SMIM14: variants seen among roughly 807,000 people sequenced by gnomAD.
SMIM14 encodes chromosome 4 open reading frame 34.
Under a neutral mutation model 12.6 loss-of-function variants are expected in SMIM14, and 5 were observed. The observed-to-expected ratio is 0.40, with a 90% CI of 0.21 to 0.83. SMIM14 has a LOEUF of 0.83. Ranked by LOEUF, SMIM14 falls within the 40% of genes least tolerant of loss-of-function variation. SMIM14 has a pLI of 0.37. For missense variants in SMIM14, 86 were observed against 119.1 expected (o/e 0.72, Z 1.29); for synonymous variants, 30 against 40.1 (o/e 0.75, Z 0.95).
chr4:39,608,809 T>C (rs1031648392), intron 1 of SMIM14, among the ~76,000 whole-genome samples: 2 of 152,214 alleles, frequency 1.3e-5, no homozygotes, highest in African/African-American at 4.8e-5. Context: ...TTTTACCCCA[T>C]TAAAAACAAT....
intron 1 of SMIM14, among the ~76,000 whole-genome samples, chr4:39,619,663 T>G (rs1715380630): frequency 8.7e-6 from 1 of 115,276 alleles, no homozygotes; most frequent in African/African-American, 3.5e-5. Flanking sequence ...ATTCTATATA[T>G]CAATAAATAT....
At chr4:39,619,630 C>A (rs1274758227) in intron 1 of SMIM14, among the ~76,000 whole-genome samples, 4 of 79,434 alleles carry the variant, frequency 5.0e-5, no homozygotes, top group African/African-American at 6.6e-5. Flanking sequence ...ATAATTTATT[C>A]TATATATCAA....
intron 2 of SMIM14, among the ~76,000 whole-genome samples, chr4:39,581,638 A>G (rs1303971378): frequency 7.7e-6 from 1 of 130,326 alleles, no homozygotes; most frequent in East Asian, 2.4e-4. Flanking sequence ...CACCAAGCTC[A>G]AGTGACGATC....
chr4:39,590,667 T>C (rs533169175), intron 2 of SMIM14, among the ~76,000 whole-genome samples: 3 of 152,104 alleles, frequency 2.0e-5, no homozygotes, highest in Non-Finnish European at 4.4e-5. Flanking sequence ...CCGGGCGTGG[T>C]GGCAGGCGCC....
chr4:39,635,216 C>G (rs1303676323), intron 1 of SMIM14, among the ~76,000 whole-genome samples: 1 of 151,992 alleles, frequency 6.6e-6, no homozygotes, highest in East Asian at 1.9e-4. Flanking sequence ...GTTCCAGGGA[C>G]AAAAATGCAA....
Position 39,547,460 on chromosome 4 carries a change from A to G in SMIM14, c.*4666T>C, listed in dbSNP as rs1747384768. 1.3e-5 allele frequency: 2 copies of G among 152,362 alleles called. No homozygotes were observed. Among genetic ancestry groups the G allele is most frequent in the South Asian group, 2.1e-4 (1 of 4,832 alleles). The allele number at this position is 152,362 out of a possible 1,614,324, so 9.4% of individuals were successfully genotyped here. ...ATAAAATCAGTAATTAACATTTAGC[A>G]TATCACACGACCACTTTTGCTTTTA... On this transcript the variant is annotated 3_prime_UTR_variant, in exon 5 of 5. Coordinates refer to ENST00000295958, the MANE Select transcript of SMIM14 (RefSeq NM_174921.3).
intron 3 of SMIM14, among the ~76,000 whole-genome samples, chr4:39,562,475 T>C (rs1248923976): frequency 1.3e-5 from 2 of 152,128 alleles, no homozygotes; most frequent in Non-Finnish European, 2.9e-5. Context: ...CACTGCCTAC[T>C]GTTTCAACTC....
intron 2 of SMIM14, among the ~76,000 whole-genome samples, chr4:39,578,992 CAAAA>C (rs201636070): frequency 5.6e-5 from 4 of 71,856 alleles, no homozygotes; most frequent in Admixed American, 1.3e-4. Flanking sequence ...GTGAGACTGT[CAAAA>C]AAAAAAAAAA....
chr4:39,571,009 C>A (rs1286399870), intron 3 of SMIM14, among the ~76,000 whole-genome samples: 1 of 152,126 alleles, frequency 6.6e-6, no homozygotes, highest in Admixed American at 6.5e-5. Context: ...TACTATTTTA[C>A]TAGTTCCCCT....
intron 1 of SMIM14, among the ~76,000 whole-genome samples, chr4:39,634,267 G>A (rs1324125558): frequency 6.6e-6 from 1 of 152,104 alleles, no homozygotes; most frequent in Non-Finnish European, 1.5e-5. Flanking sequence ...GCAACTTCAG[G>A]CAAAAAGACC....
chr4:39,588,120 CACAA>C, intron 2 of SMIM14: 1 of 152,320 alleles, frequency 6.6e-6, no homozygotes, highest in African/African-American at 2.4e-5. Context: ...TAGCTAAGAA[CACAA>C]ACAATGATCA....
In SMIM14 at chr4:39,556,534, G is replaced by C. The variant is rs751933209; in HGVS notation, c.161C>G (p.Thr54Arg). Residue 54 changes from threonine (T) to arginine (R), a missense_variant, in exon 4 of 5, where the codon ACA (threonine) becomes AGA (arginine). By Grantham distance (71) the Thr-to-Arg change is moderately conservative (BLOSUM62 -1). Transcript: ENST00000295958. ...AACCATCCAGGCTACCAAGATCATT[G>C]TAACACTGATGCCATTATCACCAGA... ...GPSGDNGISV[T>R]MILVAWMVIA... The C allele has an allele frequency of 1.2e-6, 2 of 1,612,756 alleles. No individual in the cohort carries two copies. Among genetic ancestry groups the C allele is most frequent in the East Asian group, 4.5e-5 (2 of 44,826 alleles).
chr4:39,631,658 C>CA (rs757683389), intron 1 of SMIM14, among the ~76,000 whole-genome samples: 4,544 of 76,342 alleles, frequency 0.06, 218 homozygotes, highest in African/African-American at 0.16. Context: ...GACTCCGTCT[C>CA]AAAAAAAAAA....
chr4:39,591,567 T>C (rs1295744637), intron 2 of SMIM14, among the ~76,000 whole-genome samples: 1 of 151,510 alleles, frequency 6.6e-6, no homozygotes, highest in Non-Finnish European at 1.5e-5. Context: ...TAATATGTAC[T>C]TTTTTTTTGA....
intron 2 of SMIM14, among the ~76,000 whole-genome samples, chr4:39,599,302 T>C (rs569392274): frequency 4.6e-5 from 7 of 152,282 alleles, no homozygotes; most frequent in African/African-American, 1.7e-4. Context: ...TGGAAGGGGA[T>C]AGATCACACA....
chr4:39,618,656 A>C (rs914145087), intron 1 of SMIM14, among the ~76,000 whole-genome samples: 1 of 150,868 alleles, frequency 6.6e-6, no homozygotes, highest in East Asian at 1.9e-4. Flanking sequence ...TCTCAAAAAA[A>C]AAAAAAAACA....
chr4:39,609,903 TGGAA>T (rs1441624512), intron 1 of SMIM14, among the ~76,000 whole-genome samples: 1 of 152,228 alleles, frequency 6.6e-6, no homozygotes, highest in African/African-American at 2.4e-5. Context: ...ATTGAATCAC[TGGAA>T]GGAAGACAAA....
chr4:39,636,803 T>C (rs954693683), intron 1 of SMIM14, among the ~76,000 whole-genome samples: 1 of 152,216 alleles, frequency 6.6e-6, no homozygotes, highest in African/African-American at 2.4e-5. Flanking sequence ...ATTCAATTTA[T>C]AAATTAGGCA....
intron 2 of SMIM14, among the ~76,000 whole-genome samples, chr4:39,585,149 G>A (rs1433025954): frequency 6.6e-6 from 1 of 151,876 alleles, no homozygotes; most frequent in Admixed American, 6.6e-5. Context: ...CAAACTTAAT[G>A]TGACCTCTGA....
Sources: allele counts gnomAD v4.1 joint callset (sites outside exome capture counted in the v4.1 genomes callset), GRCh38; gene constraint gnomAD v4.1.1; transcripts MANE v1.5; gene names NCBI Gene and HGNC (gene_info 2026-07-23, HGNC 2026-07-21).